The following SLC2A7 variants were observed in gnomAD, a reference collection of about 807,000 sequenced individuals.
The protein encoded by SLC2A7 is solute carrier family 2 member 7, also known as solute carrier family 2, facilitated glucose transporter member 7.
A neutral mutation model predicts 50.5 loss-of-function variants in SLC2A7; 50 were observed. The ratio of observed to expected loss-of-function variants is 0.99; its 90% confidence interval spans 0.79 to 1.25. The LOEUF (loss-of-function observed/expected upper bound fraction) is 1.25, where lower values mean the gene tolerates loss of function less well. Among genes scored for constraint, SLC2A7 ranks in the 50% most tolerant of loss-of-function variants. The pLI, the probability that SLC2A7 is intolerant of heterozygous loss-of-function variation, is 0.00. For missense variants in SLC2A7, 683 were observed against 679.1 expected (o/e 1.01, Z -0.06); for synonymous variants, 308 against 300.4 (o/e 1.03, Z -0.26).
intron 9 of SLC2A7, 22 bp downstream of exon 9, chr1:9,010,121 G>C: frequency 6.5e-7 from 1 of 1,549,170 alleles, no homozygotes; most frequent in East Asian, 2.4e-5. Context: ...CCCCACCCAG[G>C]GGGCAGGAAA....
intron 2 of SLC2A7, 40 bp from the exon 3 acceptor site, chr1:9,023,118 CAGTTCATGAGAAATGAGAA>C: frequency 6.3e-7 from 1 of 1,594,502 alleles, no homozygotes; most frequent in Admixed American, 1.7e-5. Flanking sequence ...GAATATTGGG[CAGTTCATGAGAAATGAGAA>C]AGTGTTCTCA....
chr1:9,023,136 A>G (rs997210727), intron 2 of SLC2A7, 58 bp from the exon 3 acceptor site: 1 of 1,567,708 alleles, frequency 6.4e-7, no homozygotes. Flanking sequence ...GAGAAATGAG[A>G]AAGTGTTCTC....
chr1:9,012,830 T>C (rs185979269), intron 8 of SLC2A7, among the ~76,000 whole-genome samples: 24 of 152,322 alleles, frequency 1.6e-4, no homozygotes, highest in African/African-American at 5.3e-4. Flanking sequence ...TACCATGTAT[T>C]GCAGTCACCA....
At chr1:9,004,063 A>G (rs1300772679) in intron 11 of SLC2A7, among the ~76,000 whole-genome samples, 1 of 151,254 alleles carries the variant, frequency 6.6e-6, no homozygotes, top group Non-Finnish European at 1.5e-5. Flanking sequence ...CCCTCACCCT[A>G]TTATCAAAAA....
At chr1:9,019,174 C>T (rs1335483787) in intron 4 of SLC2A7, 35 bp downstream of exon 4, 12 of 1,607,260 alleles carry the variant, frequency 7.5e-6, no homozygotes, top group Non-Finnish European at 1.0e-5. Context: ...CAGACCCTTC[C>T]CCCAAGGCTG....
At chr1:9,012,065 AT>A (rs1203747587) in intron 8 of SLC2A7, among the ~76,000 whole-genome samples, 3 of 151,854 alleles carry the variant, frequency 2.0e-5, no homozygotes, top group African/African-American at 7.3e-5. Flanking sequence ...TCTACTTCTA[AT>A]ACCATTTCCA....
Position 9,022,991 on chromosome 1 carries a change from T to G in SLC2A7, c.238A>C (p.Thr80Pro), listed in dbSNP as rs528126954. 20 of 1,614,164 alleles carry G rather than the reference T, an allele frequency of 1.2e-5. No individual in the cohort carries two copies. The Admixed American group carries it at 3.3e-4, about 27-fold the overall frequency. The change falls in exon 3 of 12, where the codon ACC (threonine) becomes CCC (proline). Residue 80 changes from threonine (T) to proline (P), a missense_variant. By Grantham distance (38) the Thr-to-Pro change is conservative. Coordinates refer to ENST00000400906, the MANE Select transcript of SLC2A7 (RefSeq NM_207420.3). ...GKLMLLLWSC[T>P]VSMFPLGGLL... Reference sequence around the variant, plus strand: ...CCGCCCAGAGGAAACATGGAGACGGTGCAAGACCATAGAAGCAGCATGAGC... The same window carrying G: ...CCGCCCAGAGGAAACATGGAGACGGGGCAAGACCATAGAAGCAGCATGAGC...
intron 10 of SLC2A7, 138 bp from the exon 11 acceptor site, chr1:9,005,017 G>A: frequency 3.0e-6 from 3 of 1,003,992 alleles, no homozygotes; most frequent in East Asian, 5.4e-5. Context: ...AAGGAACCCT[G>A]CCTTTACCCA....
At chr1:9,013,483 C>G in intron 8 of SLC2A7, 42 bp downstream of exon 8, 1 of 1,579,878 alleles carries the variant, frequency 6.3e-7, no homozygotes, top group Non-Finnish European at 8.7e-7. Context: ...CGGCACCTGG[C>G]CAGAGACCCT....
At chr1:9,015,311 GA>G (rs1640815042) in intron 5 of SLC2A7, 69 bp from the exon 6 acceptor site, 1 of 1,479,156 alleles carries the variant, frequency 6.8e-7, no homozygotes, top group Non-Finnish European at 8.9e-7. Context: ...ACTGTGCTCG[GA>G]AGGTCACGCT....
chr1:9,016,618 A>C (rs181947660), intron 5 of SLC2A7, among the ~76,000 whole-genome samples: 1 of 148,188 alleles, frequency 6.7e-6, no homozygotes, highest in Admixed American at 6.8e-5. Context: ...GAAGGAAGGA[A>C]GGGAAGGAGG....
intron 4 of SLC2A7, 122 bp from the exon 5 acceptor site, chr1:9,018,497 A>T: frequency 7.3e-7 from 1 of 1,376,718 alleles, no homozygotes; most frequent in Admixed American, 2.3e-5. Context: ...GTGGAGATGG[A>T]GCTCGGCCAA....
downstream of SLC2A7, among the ~76,000 whole-genome samples, chr1:8,998,660 AC>A (rs1640538614): frequency 6.6e-6 from 1 of 152,012 alleles, no homozygotes; most frequent in South Asian, 2.1e-4. Flanking sequence ...TCAATTTCTA[AC>A]CCCATCCTCC....
intron 5 of SLC2A7, among the ~76,000 whole-genome samples, chr1:9,016,323 G>A (rs771861647): frequency 1.6e-4 from 25 of 152,322 alleles, no homozygotes; most frequent in Non-Finnish European, 2.6e-4. Context: ...AAAAAACCCC[G>A]GCCGGGCATA....
chr1:9,018,378 G>A lies in SLC2A7; in HGVS notation c.437-3C>T, dbSNP rs753659166. 6.2e-7 allele frequency: 1 copy of A among 1,613,496 alleles called. No homozygotes were observed. Among genetic ancestry groups the A allele is most frequent in the Admixed American group, 1.7e-5 (1 of 59,400 alleles). ...GGGAAGGGCGCTGTAGGAGATGCCT[G>A]GTTTGGGCACAGCAGAAATCAGGGC... On this transcript the variant is annotated splice_region_variant and splice_polypyrimidine_tract_variant and intron_variant, in intron 4 of 11. Transcript: ENST00000400906.
At chr1:9,021,317 C>T (rs1640910106) in intron 3 of SLC2A7, among the ~76,000 whole-genome samples, 1 of 152,182 alleles carries the variant, frequency 6.6e-6, no homozygotes, top group South Asian at 2.1e-4. Context: ...GCCTGGTATT[C>T]ATTTTTTATT....
chr1:9,006,092 G>A (rs987082148), intron 10 of SLC2A7, among the ~76,000 whole-genome samples: 3 of 152,138 alleles, frequency 2.0e-5, no homozygotes, highest in East Asian at 3.8e-4. Flanking sequence ...TGATCACCCC[G>A]TTCTTGGAGA....
chr1:9,009,700 C>T (rs941118441), intron 9 of SLC2A7, among the ~76,000 whole-genome samples: 1 of 152,198 alleles, frequency 6.6e-6, no homozygotes, highest in African/African-American at 2.4e-5. Context: ...TCAATGGGTC[C>T]TCCTGCCTTG....
chr1:9,015,291 C>G (rs764972487), intron 5 of SLC2A7, 49 bp from the exon 6 acceptor site: 1 of 1,521,596 alleles, frequency 6.6e-7, no homozygotes, highest in Non-Finnish European at 8.8e-7. Flanking sequence ...CACCCCCTGG[C>G]CCACCTACCA....
Sources: gnomAD v4.1 joint callset for allele counts (sites outside exome capture counted in the v4.1 genomes callset) on GRCh38, gnomAD v4.1.1 for gene constraint, MANE v1.5 for transcripts, NCBI Gene and HGNC (gene_info 2026-07-23, HGNC 2026-07-21) for gene names.